TBCK: variants seen among roughly 807,000 people sequenced by gnomAD.
TBCK encodes TBC domain-containing protein kinase-like protein.
TBCK carries 99 observed loss-of-function variants against 113.4 expected under a neutral mutation model. The ratio of observed to expected loss-of-function variants is 0.87; its 90% CI spans 0.74 to 1.03. The LOEUF (loss-of-function observed/expected upper bound fraction) is 1.03, where lower values mean the gene tolerates loss of function less well. TBCK is among the 50% of genes least tolerant of loss of function. The probability of loss-of-function intolerance (pLI) is 0.00; values close to 1 mark genes in which losing one functional copy is unlikely to be tolerated. For missense variants in TBCK, 1,045 were observed against 1,061.3 expected, an observed-to-expected ratio of 0.98 and a Z score of 0.21; for synonymous variants, 369 against 370.8, an observed-to-expected ratio of 1.00 and a Z score of 0.05.
chr4:106,266,720 G>A (rs1763029746), intron 3 of TBCK, among the ~76,000 whole-genome samples: 1 of 151,778 alleles, frequency 6.6e-6, no homozygotes, highest in South Asian at 2.1e-4. Context: ...CTCAGAATTT[G>A]ATTTTTTAAT....
intron 25 of TBCK, among the ~76,000 whole-genome samples, chr4:106,075,872 T>G (rs1394671904): frequency 6.6e-6 from 1 of 152,228 alleles, no homozygotes; most frequent in African/African-American, 2.4e-5. Flanking sequence ...TTTCAGGTCT[T>G]GCTTTCACAC....
chr4:106,184,757 A>G (rs1752820566), intron 22 of TBCK, among the ~76,000 whole-genome samples: 2 of 152,052 alleles, frequency 1.3e-5, no homozygotes, highest in Non-Finnish European at 2.9e-5. Flanking sequence ...CAACTCTGGT[A>G]TATGTGCATG....
intron 25 of TBCK, among the ~76,000 whole-genome samples, chr4:106,062,867 CCATAT>C (rs1736201721): frequency 1.3e-5 from 2 of 151,944 alleles, no homozygotes; most frequent in South Asian, 4.1e-4. Flanking sequence ...TTATATTTTA[CCATAT>C]AATATTTCTA....
intron 2 of TBCK, among the ~76,000 whole-genome samples, chr4:106,301,776 G>T (rs1579568387): frequency 1.3e-5 from 2 of 152,204 alleles, no homozygotes; most frequent in Middle Eastern, 6.8e-3. Flanking sequence ...GTGGGAGGGG[G>T]CATGACTAAC....
chr4:106,311,576 A>G (rs1768203327), intron 1 of TBCK, among the ~76,000 whole-genome samples: 1 of 152,198 alleles, frequency 6.6e-6, no homozygotes. Flanking sequence ...AATACTCAGA[A>G]TATGGGTTAC....
At chr4:106,110,399 A>G (rs919108363) in intron 24 of TBCK, among the ~76,000 whole-genome samples, 1 of 152,242 alleles carries the variant, frequency 6.6e-6, no homozygotes, top group African/African-American at 2.4e-5. Context: ...TCAGTAAGTC[A>G]TTGGTGCCCA....
intron 22 of TBCK, among the ~76,000 whole-genome samples, chr4:106,190,301 T>C (rs567943575): frequency 1.2e-4 from 19 of 152,202 alleles, no homozygotes; most frequent in Non-Finnish European, 2.4e-4. Context: ...TAAAATACTT[T>C]AAAAACTTTG....
intron 19 of TBCK, among the ~76,000 whole-genome samples, chr4:106,214,129 G>T (rs1756547959): frequency 6.6e-6 from 1 of 152,036 alleles, no homozygotes; most frequent in Admixed American, 6.5e-5. Context: ...ACACGGCAGG[G>T]TACTCCAACA....
chr4:106,238,350 T>C (rs556454037), intron 12 of TBCK, among the ~76,000 whole-genome samples: 3 of 152,234 alleles, frequency 2.0e-5, no homozygotes, highest in South Asian at 4.1e-4. Flanking sequence ...TCTCCTACTA[T>C]ATAACATGTA....
At chr4:106,309,053 T>C (rs1368662485) in intron 1 of TBCK, 64 bp from the exon 2 acceptor site, 3 of 1,090,644 alleles carry the variant, frequency 2.8e-6, no homozygotes, top group Non-Finnish European at 3.9e-6. Flanking sequence ...ATCTTAAGCA[T>C]GATTAACATA....
intron 22 of TBCK, among the ~76,000 whole-genome samples, chr4:106,176,080 A>T (rs1413041605): frequency 6.6e-6 from 1 of 152,160 alleles, no homozygotes; most frequent in Non-Finnish European, 1.5e-5. Flanking sequence ...TAAATATGGA[A>T]TACATGTGAT....
At chr4:106,309,965 A>T (rs1768013697) in intron 1 of TBCK, 1 of 152,206 alleles carries the variant, frequency 6.6e-6, no homozygotes, top group Non-Finnish European at 1.5e-5. Flanking sequence ...GTAAAGTAGT[A>T]GCCTGGAGAG....
intron 23 of TBCK, among the ~76,000 whole-genome samples, chr4:106,166,844 A>G (rs1416642762): frequency 1.3e-5 from 2 of 151,612 alleles, no homozygotes; most frequent in African/African-American, 4.8e-5. Flanking sequence ...CAAAATAAGC[A>G]TTTGATAAAA....
rs1401393264 is a variant in TBCK, at chr4:106,194,035, T to G, written c.1898-265A>C. ...AATATTTCTTCCCAGAACTTTCCAGTTATATTATTCTCACAGATTTATCTA... is the reference window on the plus strand; with the variant it reads ...AATATTTCTTCCCAGAACTTTCCAGGTATATTATTCTCACAGATTTATCTA... On this transcript the variant is annotated intron_variant, in intron 21 of 25. Transcript: ENST00000394708. Among the ~76,000 whole-genome samples, 3 of 152,116 alleles carry G rather than the reference T, an allele frequency of 2.0e-5. No homozygotes were observed. In the South Asian group the frequency reaches 6.2e-4, roughly 31 times the overall value.
intron 15 of TBCK, 30 bp from the exon 16 acceptor site, chr4:106,233,680 T>C: frequency 1.3e-6 from 2 of 1,516,422 alleles, no homozygotes; most frequent in Non-Finnish European, 1.8e-6. Flanking sequence ...ATATATTAAT[T>C]TATCATATCC....
At chr4:106,102,003 T>C (rs1741611254) in intron 24 of TBCK, among the ~76,000 whole-genome samples, 1 of 152,220 alleles carries the variant, frequency 6.6e-6, no homozygotes, top group Non-Finnish European at 1.5e-5. Context: ...CAAAATATAC[T>C]GAAGAACAAA....
At chr4:106,078,996 AAT>A (rs1309336900) in intron 25 of TBCK, among the ~76,000 whole-genome samples, 1 of 152,180 alleles carries the variant, frequency 6.6e-6, no homozygotes, top group Non-Finnish European at 1.5e-5. Context: ...CAACTAAATA[AAT>A]ATGATTCACT....
chr4:106,118,880 G>A (rs1313190430), intron 23 of TBCK, among the ~76,000 whole-genome samples: 8 of 152,188 alleles, frequency 5.3e-5, no homozygotes, highest in African/African-American at 1.7e-4. Context: ...AAGAGAAGGA[G>A]AGGAATTGCT....
At chr4:106,300,677 C>G (rs1225944081) in intron 2 of TBCK, among the ~76,000 whole-genome samples, 1 of 152,156 alleles carries the variant, frequency 6.6e-6, no homozygotes, top group Non-Finnish European at 1.5e-5. Flanking sequence ...GTCATTCAAT[C>G]AAATACTAAT....
Sources: allele counts gnomAD v4.1 joint callset (sites outside exome capture counted in the v4.1 genomes callset), GRCh38; gene constraint gnomAD v4.1.1; transcripts MANE v1.5; gene names NCBI Gene and HGNC (gene_info 2026-07-23, HGNC 2026-07-21).